Variants in PCDHGB5 observed in about 807,000 individuals in gnomAD.
PCDHGB5 encodes the protein protocadherin gamma-B5.
A neutral mutation model predicts 62.9 loss-of-function variants in PCDHGB5; 48 were observed. That is an observed-to-expected ratio of 0.76 (90% CI 0.61 to 0.97). The LOEUF is 0.97. PCDHGB5 is among the 50% of genes least tolerant of loss of function. The pLI is 0.00. For missense variants in PCDHGB5, 1,118 were observed against 1,198.6 expected, an observed-to-expected ratio of 0.93 and a Z score of 0.99; for synonymous variants, 474 against 511.2, an observed-to-expected ratio of 0.93 and a Z score of 0.98.
At chr5:141,428,099 C>G (rs1304120001) in intron 1 of PCDHGB5, 4 of 1,608,710 alleles carry the variant, frequency 2.5e-6, no homozygotes, top group Non-Finnish European at 2.5e-6. Flanking sequence ...TGTCCTACCA[C>G]GTGCTGCAGG....
rs1374646530 is a variant in PCDHGB5, at chr5:141,431,339, T to C, written c.2397+30815T>C. ...AGCCGACGGTAGTAAGTACCCCGAA[T>C]TGGTGCTGAAACGCGCCCTGGACCG... On this transcript the variant is annotated intron_variant, in intron 1 of 3. Coordinates refer to ENST00000617380, the MANE Select transcript of PCDHGB5 (RefSeq NM_018925.3). This position sits in a 1 kb window ranked among gnomAD's most constrained non-coding sequence, Gnocchi z 4.8. 1 of 1,614,060 alleles carries C rather than the reference T, an allele frequency of 6.2e-7. No individual in the cohort carries two copies. The highest frequency in any genetic ancestry group is 8.5e-7 in the Non-Finnish European group (1 of 1,180,024).
At chr5:141,413,344 G>A in intron 1 of PCDHGB5, 1 of 1,613,986 alleles carries the variant, frequency 6.2e-7, no homozygotes. Context: ...CAAGGACTTG[G>A]GTCTGGCGCC....
intron 1 of PCDHGB5, among the ~76,000 whole-genome samples, chr5:141,429,781 A>G (rs2097245343): frequency 1.3e-5 from 2 of 152,186 alleles, no homozygotes; most frequent in Non-Finnish European, 2.9e-5. Context: ...TGGGCTTCCA[A>G]AAGTATTACC....
intron 1 of PCDHGB5, among the ~76,000 whole-genome samples, chr5:141,469,568 T>C (rs942597017): frequency 6.6e-6 from 1 of 152,184 alleles, no homozygotes. Flanking sequence ...AGTGAGACTC[T>C]GTCTCTAAAT....
chr5:141,427,671 A>T (rs1441504057), intron 1 of PCDHGB5: 1 of 798,486 alleles, frequency 1.3e-6, no homozygotes, highest in East Asian at 2.6e-5. Flanking sequence ...GGCCGAAAAC[A>T]ACCTTCCCGG....
intron 2 of PCDHGB5, among the ~76,000 whole-genome samples, chr5:141,497,132 G>T (rs2099774325): frequency 6.6e-6 from 1 of 152,046 alleles, no homozygotes; most frequent in Non-Finnish European, 1.5e-5. Context: ...GTTGCAGTGA[G>T]CTGAGATCAC....
intron 2 of PCDHGB5, among the ~76,000 whole-genome samples, chr5:141,495,175 C>A (rs1337353259): frequency 6.6e-6 from 1 of 152,300 alleles, no homozygotes; most frequent in Middle Eastern, 3.4e-3. Flanking sequence ...TGGGTGAAAG[C>A]GAGGCTTTCT....
At chr5:141,413,034 G>C in intron 1 of PCDHGB5, 1 of 783,270 alleles carries the variant, frequency 1.3e-6, no homozygotes, top group East Asian at 2.8e-5. Context: ...CAAACCGGCT[G>C]CTGGGCTGCA....
At chr5:141,404,815 G>A in intron 1 of PCDHGB5, 2 of 1,610,532 alleles carry the variant, frequency 1.2e-6, no homozygotes, top group South Asian at 1.1e-5. Flanking sequence ...CGGTGGGGCT[G>A]CACACAGGTG....
chr5:141,416,130 C>T (rs907950687), intron 1 of PCDHGB5: 1 of 154,098 alleles, frequency 6.5e-6, no homozygotes, highest in African/African-American at 2.4e-5. Context: ...ATATATTTTT[C>T]AATCTATACT....
intron 1 of PCDHGB5, among the ~76,000 whole-genome samples, chr5:141,466,514 T>C (rs1276000407): frequency 6.6e-6 from 1 of 152,226 alleles, no homozygotes; most frequent in Non-Finnish European, 1.5e-5. Context: ...AAGATCATTT[T>C]TTTTCCTCCC....
intron 1 of PCDHGB5, chr5:141,417,766 C>G: frequency 6.9e-7 from 1 of 1,442,472 alleles, no homozygotes; most frequent in Non-Finnish European, 9.1e-7. Flanking sequence ...AGACCCGGGA[C>G]TCCTCCTGTC....
rs200491568 is a variant in PCDHGB5, at chr5:141,493,146, G to A, written c.2398-1661G>A. 9.6e-6 allele frequency among the ~76,000 whole-genome samples: 1 copy of A among 104,172 alleles called. No homozygotes were observed. The highest frequency in any genetic ancestry group is 3.1e-5 in the African/African-American group (1 of 32,680). 68.3% of individuals were successfully genotyped at this position (104,172 alleles called of 152,430 possible). A position where few individuals can be genotyped will look rare whatever the true frequency, so the allele number is the denominator to read the frequency against. On this transcript the variant is annotated intron_variant, in intron 1 of 3. Transcript: ENST00000617380. The surrounding 1 kb of genome is among the most constrained non-coding windows in gnomAD (Gnocchi z 4.3). ...AGGACTGTATTTTGAAACACCCCCA[G>A]GTGATTTTGATAGCTGATTGAGAGA... is the stretch of plus-strand genomic sequence containing the variant.
At chr5:141,509,454 G>T (rs1164813611) in intron 3 of PCDHGB5, among the ~76,000 whole-genome samples, 2 of 151,976 alleles carry the variant, frequency 1.3e-5, no homozygotes, top group African/African-American at 2.4e-5. Flanking sequence ...TCCCACCCCC[G>T]ACCCAGTCAG....
intron 1 of PCDHGB5, chr5:141,417,532 TA>T (rs1457524771): frequency 6.7e-5 from 19 of 284,780 alleles, no homozygotes; most frequent in South Asian, 1.5e-4. Context: ...ACTCGTAGTT[TA>T]AAAAAAATTC....
chr5:141,421,359 C>T, intron 1 of PCDHGB5: 1 of 1,614,012 alleles, frequency 6.2e-7, no homozygotes, highest in Non-Finnish European at 8.5e-7. Context: ...AAAAGGGCTC[C>T]TTCGTGGGCA....
intron 1 of PCDHGB5, chr5:141,424,465 A>G (rs564844819): frequency 1.3e-5 from 2 of 152,146 alleles, no homozygotes; most frequent in Admixed American, 6.5e-5. Context: ...ATTTCCTTTT[A>G]TTCTTTTACT....
chr5:141,478,911 T>TA, intron 1 of PCDHGB5: 1 of 871,162 alleles, frequency 1.1e-6, no homozygotes, highest in Non-Finnish European at 1.7e-6. Flanking sequence ...AGCTGCTGGA[T>TA]ACCTCTAACC....
chr5:141,492,122 C>G (rs2154587050), intron 1 of PCDHGB5, among the ~76,000 whole-genome samples: 1 of 152,328 alleles, frequency 6.6e-6, no homozygotes, highest in Admixed American at 6.5e-5. Context: ...GATTTCTCCC[C>G]AGCTCCCAGC....
Sources: gnomAD v4.1 joint callset for allele counts (sites outside exome capture counted in the v4.1 genomes callset) on GRCh38, gnomAD v4.1.1 for gene constraint, Gnocchi (gnomAD v3.1) non-coding constraint, MANE v1.5 for transcripts, NCBI Gene and HGNC (gene_info 2026-07-23, HGNC 2026-07-21) for gene names.